Variants in MECOM observed in about 807,000 individuals in gnomAD.
MECOM encodes the protein MDS1 and EVI1 complex locus, also known as histone-lysine N-methyltransferase MECOM.
A neutral mutation model predicts 116.3 loss-of-function variants in MECOM; 13 were observed. The observed-to-expected ratio is 0.11, with a 90% CI of 0.07 to 0.18. The LOEUF is 0.18. MECOM is among the 10% of genes least tolerant of loss of function. The pLI is 1.00. For missense variants in MECOM, 1,299 were observed against 1,509.0 expected, an observed-to-expected ratio of 0.86 and a Z score of 2.31; for synonymous variants, 528 against 535.2, an observed-to-expected ratio of 0.99 and a Z score of 0.19.
intron 2 of MECOM, among the ~76,000 whole-genome samples, chr3:169,279,157 G>C (rs1417857818): frequency 6.6e-6 from 1 of 152,148 alleles, no homozygotes; most frequent in Non-Finnish European, 1.5e-5. Context: ...AATTAGGCAG[G>C]AGCTTTGCTC....
intron 2 of MECOM, among the ~76,000 whole-genome samples, chr3:169,179,529 A>T (rs985107609): frequency 6.6e-6 from 1 of 152,240 alleles, no homozygotes; most frequent in Admixed American, 6.5e-5. Context: ...GACCTCTAAA[A>T]CAATAGGTGG....
At chr3:169,085,933 C>T (rs139367221) in intron 16 of MECOM, among the ~76,000 whole-genome samples, 104 of 152,280 alleles carry the variant, frequency 6.8e-4, no homozygotes, top group African/African-American at 2.3e-3. Context: ...CATTGCTAAA[C>T]TTGCTTGTCA....
chr3:169,085,697 A>G (rs1466373749), intron 16 of MECOM, among the ~76,000 whole-genome samples: 2 of 152,190 alleles, frequency 1.3e-5, no homozygotes, highest in Non-Finnish European at 2.9e-5. Flanking sequence ...ACCAAACACA[A>G]GACCCAACAG....
At chr3:169,501,488 C>A (rs952180876) in intron 1 of MECOM, among the ~76,000 whole-genome samples, 1 of 151,786 alleles carries the variant, frequency 6.6e-6, no homozygotes, top group Non-Finnish European at 1.5e-5. Flanking sequence ...ACCAGAAAAA[C>A]CTCTTATTGG....
intron 1 of MECOM, among the ~76,000 whole-genome samples, chr3:169,659,606 G>A (rs1344559255): frequency 6.6e-6 from 1 of 151,876 alleles, no homozygotes; most frequent in Non-Finnish European, 1.5e-5. Flanking sequence ...GCCTCCGTTG[G>A]GAGAAGGATT....
intron 2 of MECOM, among the ~76,000 whole-genome samples, chr3:169,377,246 C>T (rs557330916): frequency 6.6e-6 from 1 of 152,138 alleles, no homozygotes; most frequent in Admixed American, 6.6e-5. Context: ...CTAGGCAATA[C>T]CATCCAGGAC....
chr3:169,650,890 G>C (rs1040928233), intron 1 of MECOM, among the ~76,000 whole-genome samples: 2 of 152,094 alleles, frequency 1.3e-5, no homozygotes, highest in Admixed American at 1.3e-4. Context: ...AAATGTGTTA[G>C]ATCTAAACAA....
intron 1 of MECOM, among the ~76,000 whole-genome samples, chr3:169,561,421 AC>A (rs1202589219): frequency 6.6e-6 from 1 of 152,206 alleles, no homozygotes; most frequent in African/African-American, 2.4e-5. Context: ...AAAGAATTTG[AC>A]CTATATGGAA....
intron 1 of MECOM, among the ~76,000 whole-genome samples, chr3:169,452,840 G>T (rs1745828427): frequency 6.6e-6 from 1 of 152,044 alleles, no homozygotes; most frequent in African/African-American, 2.4e-5. Flanking sequence ...TTTCTGTAAG[G>T]TTTGAAAATA....
chr3:169,379,764 A>T (rs1732090728), intron 2 of MECOM, among the ~76,000 whole-genome samples: 1 of 152,162 alleles, frequency 6.6e-6, no homozygotes, highest in South Asian at 2.1e-4. Flanking sequence ...ATAAAAGTTT[A>T]ATGAGTTACT....
intron 1 of MECOM, among the ~76,000 whole-genome samples, chr3:169,608,471 G>C (rs1560489078): frequency 1.3e-5 from 2 of 152,162 alleles, no homozygotes; most frequent in South Asian, 4.2e-4. Flanking sequence ...TCTGGAGTCA[G>C]CCTGGTGTTT....
At chr3:169,586,963 G>A (rs1419494318) in intron 1 of MECOM, among the ~76,000 whole-genome samples, 1 of 152,162 alleles carries the variant, frequency 6.6e-6, no homozygotes, top group Non-Finnish European at 1.5e-5. Context: ...CACATTTATT[G>A]AGGACTATGT....
chr3:169,127,826 C>T lies in MECOM; in HGVS notation c.830+18G>A. ...GAAAAAATACACAAGTTGTATGGTA[C>T]AACATGCCATTTCTAACCTTTGCAA... On this transcript the variant is annotated intron_variant, in intron 5 of 16. Coordinates refer to ENST00000651503, the MANE Select transcript of MECOM (RefSeq NM_004991.4). The T allele has an allele frequency of 1.2e-6, 2 of 1,604,186 alleles. No individual in the cohort carries two copies. The highest frequency in any genetic ancestry group is 1.7e-6 in the Non-Finnish European group (2 of 1,171,198).
intron 2 of MECOM, among the ~76,000 whole-genome samples, chr3:169,234,851 G>A (rs1337339020): frequency 6.6e-6 from 1 of 152,006 alleles, no homozygotes; most frequent in Non-Finnish European, 1.5e-5. Context: ...GCCTATTAAT[G>A]CCCAGACTTA....
At chr3:169,416,986 C>T (rs1738741501) in intron 1 of MECOM, among the ~76,000 whole-genome samples, 1 of 152,092 alleles carries the variant, frequency 6.6e-6, no homozygotes, top group African/African-American at 2.4e-5. Flanking sequence ...AAACGTTAGA[C>T]CTAAAACCAT....
At chr3:169,349,867 T>A (rs1034271342) in intron 2 of MECOM, among the ~76,000 whole-genome samples, 1 of 152,056 alleles carries the variant, frequency 6.6e-6, no homozygotes, top group Admixed American at 6.6e-5. Flanking sequence ...AGTTAAAAAC[T>A]CCAGTAACTC....
intron 2 of MECOM, among the ~76,000 whole-genome samples, chr3:169,246,766 C>T (rs892410725): frequency 2.6e-5 from 4 of 152,078 alleles, no homozygotes; most frequent in Non-Finnish European, 2.9e-5. Flanking sequence ...ATGATCCGCC[C>T]GCCTTGGCCT....
intron 1 of MECOM, among the ~76,000 whole-genome samples, chr3:169,523,206 GC>G (rs1757561694): frequency 6.6e-6 from 1 of 152,148 alleles, no homozygotes; most frequent in African/African-American, 2.4e-5. Context: ...ACCAGCAGGA[GC>G]CACACAAACA....
At chr3:169,318,080 C>T (rs1560124536) in intron 2 of MECOM, among the ~76,000 whole-genome samples, 1 of 151,904 alleles carries the variant, frequency 6.6e-6, no homozygotes, top group Non-Finnish European at 1.5e-5. Context: ...ATGTAGAAAA[C>T]AAACTGGACT....
Sources: allele counts gnomAD v4.1 joint callset (sites outside exome capture counted in the v4.1 genomes callset), GRCh38; gene constraint gnomAD v4.1.1; transcripts MANE v1.5; gene names NCBI Gene and HGNC (gene_info 2026-07-23, HGNC 2026-07-21).